FAT3: variants seen among roughly 807,000 people sequenced by gnomAD.
FAT3 encodes FAT atypical cadherin 3.
In FAT3, 95 loss-of-function variants were observed where a neutral mutation model predicts 310.2. The ratio of observed to expected loss-of-function variants is 0.31; its 90% CI spans 0.26 to 0.36. The LOEUF is 0.36. Ranked by LOEUF, FAT3 falls within the 10% of genes least tolerant of loss-of-function variation. The probability of loss-of-function intolerance (pLI) is 1.00; values close to 1 mark genes in which losing one functional copy is unlikely to be tolerated. For synonymous variants in FAT3, 2,314 were observed against 2,192.9 expected, an observed-to-expected ratio of 1.06 and a Z score of -1.54; for missense variants, 5,408 against 5,715.6, an observed-to-expected ratio of 0.95 and a Z score of 1.74.
Position 92,764,876 on chromosome 11 carries a change from T to C in FAT3, c.3985-3T>C. 1 of 1,612,658 alleles carries C rather than the reference T, an allele frequency of 6.2e-7. No individual in the cohort carries two copies. The highest frequency in any genetic ancestry group is 8.5e-7 in the Non-Finnish European group (1 of 1,179,242). On this transcript the variant is annotated splice_region_variant and splice_polypyrimidine_tract_variant and intron_variant, in intron 5 of 27. Coordinates refer to ENST00000525166, the MANE Select transcript of FAT3 (RefSeq NM_001367949.2). ...TCTTTCTCTTCTCTCCCTGTGTGAGTAGATAAAGGCAGTGGACAATGGGCG... is the reference window on the plus strand; with the variant it reads ...TCTTTCTCTTCTCTCCCTGTGTGAGCAGATAAAGGCAGTGGACAATGGGCG...
At chr11:92,408,514 T>C (rs2134904094) in intron 2 of FAT3, among the ~76,000 whole-genome samples, 1 of 152,316 alleles carries the variant, frequency 6.6e-6, no homozygotes, top group Non-Finnish European at 1.5e-5. Flanking sequence ...GGTTGGAAGA[T>C]GACACTGAAT....
At chr11:92,264,840 A>C (rs1945888727) in intron 1 of FAT3, among the ~76,000 whole-genome samples, 1 of 151,976 alleles carries the variant, frequency 6.6e-6, no homozygotes, top group Non-Finnish European at 1.5e-5. Flanking sequence ...GAGATAAGAC[A>C]CCTTTCCTAC....
At chr11:92,270,609 C>G (rs1363360620) in intron 1 of FAT3, among the ~76,000 whole-genome samples, 6 of 152,134 alleles carry the variant, frequency 3.9e-5, no homozygotes, top group Non-Finnish European at 7.4e-5. Context: ...TCACTTGAAC[C>G]CAGGAGGCAG....
At chr11:92,852,961 T>C (rs1445647754) in intron 19 of FAT3, among the ~76,000 whole-genome samples, 1 of 152,180 alleles carries the variant, frequency 6.6e-6, no homozygotes, top group African/African-American at 2.4e-5. Flanking sequence ...CACAGGATCC[T>C]TGGGGTGTTG....
intron 14 of FAT3, among the ~76,000 whole-genome samples, chr11:92,833,554 T>C (rs966892894): frequency 2.0e-5 from 3 of 152,224 alleles, no homozygotes; most frequent in African/African-American, 7.2e-5. Flanking sequence ...TTTCTGACTC[T>C]AGAATGCGTA....
At chr11:92,773,951 C>T (rs895712876) in intron 6 of FAT3, 90 bp from the exon 7 acceptor site, 23 of 1,461,682 alleles carry the variant, frequency 1.6e-5, no homozygotes, top group Admixed American at 2.3e-5. Context: ...AAAAAAATTT[C>T]TGTATAAGAG....
chr11:92,366,519 CA>C, intron 2 of FAT3: 1 of 480,008 alleles, frequency 2.1e-6, no homozygotes, highest in South Asian at 1.6e-5. Context: ...TTACCCTCGG[CA>C]GCCGCAGCTT....
chr11:92,673,389 G>C (rs1943191685), intron 3 of FAT3, among the ~76,000 whole-genome samples: 1 of 152,070 alleles, frequency 6.6e-6, no homozygotes, highest in Non-Finnish European at 1.5e-5. Flanking sequence ...TTTATCATGG[G>C]CTACATTGTA....
chr11:92,583,152 A>T (rs1938910815), intron 3 of FAT3, among the ~76,000 whole-genome samples: 1 of 152,054 alleles, frequency 6.6e-6, no homozygotes, highest in Non-Finnish European at 1.5e-5. Flanking sequence ...TGTCTAAAAG[A>T]AAATATCTTT....
chr11:92,507,125 G>C (rs1013437699), intron 2 of FAT3, among the ~76,000 whole-genome samples: 1 of 152,198 alleles, frequency 6.6e-6, no homozygotes, highest in Non-Finnish European at 1.5e-5. Flanking sequence ...AGTGCCTCTG[G>C]TGCTGTCGAC....
chr11:92,275,402 C>A (rs549387685), intron 1 of FAT3, among the ~76,000 whole-genome samples: 1 of 152,116 alleles, frequency 6.6e-6, no homozygotes, highest in Admixed American at 6.5e-5. Flanking sequence ...CCTTATTCAA[C>A]CTTATTTTTT....
chr11:92,800,178 G>A lies in FAT3; in HGVS notation c.7165G>A (p.Asp2389Asn), dbSNP rs1388722059. ...LVHIYISDVN[D>N]NPPVFNQLIY... ...TCATATCTACATCTCTGATGTAAAT[G>A]ACAACCCTCCAGTTTTTAATCAGCT... Residue 2389 changes from aspartate to asparagine, a missense_variant, in exon 10 of 28, where the codon GAC becomes AAC. By Grantham distance (23) the Asp-to-Asn change is conservative. Transcript: ENST00000525166. The A allele has an allele frequency of 1.9e-6, 3 of 1,613,834 alleles. No individual in the cohort carries two copies. The highest frequency in any genetic ancestry group is 2.5e-6 in the Non-Finnish European group (3 of 1,179,878).
chr11:92,688,030 CAAA>C (rs1168810709), intron 3 of FAT3, among the ~76,000 whole-genome samples: 2 of 137,646 alleles, frequency 1.5e-5, no homozygotes, highest in Non-Finnish European at 1.6e-5. Context: ...ACATCTCTAC[CAAA>C]AAAAAAAAAA....
At chr11:92,344,376 C>T (rs916353313) in intron 1 of FAT3, among the ~76,000 whole-genome samples, 2 of 152,188 alleles carry the variant, frequency 1.3e-5, no homozygotes, top group Non-Finnish European at 2.9e-5. Flanking sequence ...CCATGCTGTG[C>T]ATGTTTTCCG....
intron 3 of FAT3, among the ~76,000 whole-genome samples, chr11:92,602,410 T>C (rs1019970969): frequency 2.0e-4 from 31 of 152,274 alleles, no homozygotes; most frequent in African/African-American, 7.5e-4. Context: ...GCCTACCTTA[T>C]TTAATTTTTA....
intron 3 of FAT3, among the ~76,000 whole-genome samples, chr11:92,690,676 T>C (rs1943774990): frequency 6.6e-6 from 1 of 152,230 alleles, no homozygotes; most frequent in Non-Finnish European, 1.5e-5. Context: ...GTGATACAAC[T>C]CTTCTCTCCA....
chr11:92,890,252 C>T (rs975903802), intron 27 of FAT3, among the ~76,000 whole-genome samples: 1 of 152,184 alleles, frequency 6.6e-6, no homozygotes, highest in African/African-American at 2.4e-5. Context: ...CCTCGCTCTT[C>T]GTCTCATGGC....
chr11:92,265,153 G>A (rs1423039321), intron 1 of FAT3, among the ~76,000 whole-genome samples: 4 of 152,154 alleles, frequency 2.6e-5, no homozygotes, highest in South Asian at 2.1e-4. Context: ...CCACTGAAGA[G>A]TCAGCTGTAG....
At chr11:92,649,195 T>C (rs1346976200) in intron 3 of FAT3, among the ~76,000 whole-genome samples, 2 of 152,238 alleles carry the variant, frequency 1.3e-5, no homozygotes, top group African/African-American at 2.4e-5. Context: ...CCTGGATCTA[T>C]TGATTTCCAT....
Sources: allele counts gnomAD v4.1 joint callset (sites outside exome capture counted in the v4.1 genomes callset), GRCh38; gene constraint gnomAD v4.1.1; transcripts MANE v1.5; gene names NCBI Gene and HGNC (gene_info 2026-07-23, HGNC 2026-07-21).